Variants in KCNQ1 observed in about 807,000 individuals in gnomAD.
KCNQ1 encodes potassium voltage-gated channel subfamily KQT member 1.
KCNQ1 carries 49 observed loss-of-function variants against 72.4 expected under a neutral mutation model. That is an observed-to-expected ratio of 0.68 (90% CI 0.54 to 0.86). The LOEUF (loss-of-function observed/expected upper bound fraction) is 0.86. Among genes scored for constraint, KCNQ1 ranks in the 40% least tolerant of loss-of-function variants. KCNQ1 has a pLI of 0.00. For synonymous variants in KCNQ1, 450 were observed against 412.6 expected, an observed-to-expected ratio of 1.09 and a Z score of -1.10; for missense variants, 790 against 945.1, an observed-to-expected ratio of 0.84 and a Z score of 2.15.
In KCNQ1 at chr11:2,566,990, A is replaced by C. The variant is rs1450899090; in HGVS notation, c.478-3638A>C. Among the ~76,000 whole-genome samples, 1 of 101,350 alleles carries C rather than the reference A, an allele frequency of 9.9e-6. No homozygotes were observed. 66.5% of individuals were successfully genotyped at this position (101,350 alleles called of 152,430 possible). A position where few individuals can be genotyped will look rare whatever the true frequency, so the allele number is the denominator to read the frequency against. ...GGTAACCTAGGGGGTGGAGTGGGGG[A>C]GGGAGAGAGCACTCCTGACACAGGG... On this transcript the variant is annotated intron_variant, in intron 2 of 15. Transcript: ENST00000155840. The surrounding 1 kb of genome is among the most constrained non-coding windows in gnomAD (Gnocchi z 6.7).
At position 2,694,856 on chromosome 11, in the gene KCNQ1, C is replaced by T. The variant is rs1190473482; in HGVS notation, c.1514+32775C>T. 6 of 398,582 alleles carry T rather than the reference C, an allele frequency of 1.5e-5. No individual in the cohort carries two copies. In the East Asian group the frequency reaches 2.1e-4, roughly 14 times the overall value. The allele number at this position is 398,582 out of a possible 1,614,324, so 24.7% of individuals were successfully genotyped here. Reference sequence around the variant, plus strand: ...GATATGGCAGGTCAGAGCAAAATTTCCTGTGAGATTTAAATAAGAAGAAGG... The same window carrying T: ...GATATGGCAGGTCAGAGCAAAATTTTCTGTGAGATTTAAATAAGAAGAAGG... On this transcript the variant is annotated intron_variant, in intron 11 of 15. Coordinates refer to ENST00000155840, the MANE Select transcript of KCNQ1 (RefSeq NM_000218.3).
chr11:2,769,055 C>A lies in KCNQ1; in HGVS notation c.1590+136C>A. ...TCCGCCCCCAAGCCACACAGGCAGGCCTATCTGAGACCTGACAGTGCCTAC... is the reference window on the plus strand; with the variant it reads ...TCCGCCCCCAAGCCACACAGGCAGGACTATCTGAGACCTGACAGTGCCTAC... On this transcript the variant is annotated intron_variant, in intron 12 of 15. Coordinates refer to ENST00000155840, the MANE Select transcript of KCNQ1 (RefSeq NM_000218.3). The surrounding 1 kb of genome is among the most constrained non-coding windows in gnomAD (Gnocchi z 4.6). 2 of 782,760 alleles carry A rather than the reference C, an allele frequency of 2.6e-6. No homozygotes were observed. Among genetic ancestry groups the A allele is most frequent in the Non-Finnish European group, 4.4e-6 (2 of 450,806 alleles). The allele number at this position is 782,760 out of a possible 1,614,324, so 48.5% of individuals were successfully genotyped here.
At chr11:2,708,714 T>TG (rs563696040) in intron 11 of KCNQ1, among the ~76,000 whole-genome samples, 1,730 of 152,028 alleles carry the variant, frequency 0.011, 53 homozygotes, top group East Asian at 0.072. Context: ...ATACGCGGGT[T>TG]GCGGGGGGCG....
intron 5 of KCNQ1, 115 bp from the exon 6 acceptor site, chr11:2,572,731 G>A (rs946084529): frequency 1.1e-5 from 15 of 1,383,902 alleles, no homozygotes; most frequent in East Asian, 2.4e-5. Flanking sequence ...TGTGAACCGC[G>A]CTGGAGCGGC....
At chr11:2,577,430 G>C (rs1848438471) in intron 6 of KCNQ1, among the ~76,000 whole-genome samples, 2 of 152,212 alleles carry the variant, frequency 1.3e-5, no homozygotes, top group African/African-American at 4.8e-5. Flanking sequence ...TTCCGGCAGG[G>C]CGCTGAGCCT....
chr11:2,749,920 A>G (rs1047056216), intron 11 of KCNQ1, among the ~76,000 whole-genome samples: 6 of 151,866 alleles, frequency 4.0e-5, no homozygotes, highest in African/African-American at 1.2e-4. Context: ...AGATCATGCC[A>G]CTGCACTCCA....
chr11:2,592,447 C>T lies in KCNQ1; in HGVS notation c.1393+3593C>T, dbSNP rs1374986250. ...GTAGAGCAGCCTCACTGAGGGGAGG[C>T]ACCAGCCCTCATCCCACGCAGCAGG... On this transcript the variant is annotated intron_variant, in intron 10 of 15. Transcript: ENST00000155840. The surrounding 1 kb of genome is among the most constrained non-coding windows in gnomAD (Gnocchi z 5.2). 6.6e-6 allele frequency among the ~76,000 whole-genome samples: 1 copy of T among 152,164 alleles called. No individual in the cohort carries two copies. The highest frequency in any genetic ancestry group is 2.4e-5 in the African/African-American group (1 of 41,460).
intron 10 of KCNQ1, among the ~76,000 whole-genome samples, chr11:2,604,403 G>A (rs1243072876): frequency 6.6e-6 from 1 of 151,448 alleles, no homozygotes; most frequent in African/African-American, 2.4e-5. Context: ...GCTTGAACCC[G>A]GGAGGAAGAG....
intron 1 of KCNQ1, among the ~76,000 whole-genome samples, chr11:2,467,423 C>G (rs986034762): frequency 1.3e-5 from 2 of 152,058 alleles, no homozygotes; most frequent in African/African-American, 4.8e-5. Flanking sequence ...GCCCTGGTCC[C>G]CTGGCTTGAT....
At chr11:2,733,810 A>ACTCTCT (rs1564875279) in intron 11 of KCNQ1, among the ~76,000 whole-genome samples, 2 of 58,254 alleles carry the variant, frequency 3.4e-5, no homozygotes, top group Admixed American at 1.5e-4. Flanking sequence ...ACACACACAC[A>ACTCTCT]CACACTCTCT....
chr11:2,615,444 A>G (rs1026760802), intron 10 of KCNQ1: 12 of 397,954 alleles, frequency 3.0e-5, no homozygotes, highest in Admixed American at 4.4e-5. Context: ...ACATTGTTCA[A>G]TAGCACTGGG....
rs1012834569 is a variant in KCNQ1, at chr11:2,788,000, G to C, written c.1794+9963G>C. 6.6e-6 allele frequency among the ~76,000 whole-genome samples: 1 copy of C among 152,226 alleles called. No individual in the cohort carries two copies. The highest frequency in any genetic ancestry group is 1.5e-5 in the Non-Finnish European group (1 of 68,040). ...GACGGGCATGGCCGTGCGCGCGTGTGGGGAGGTGAGTGTGGCTCCCCCAAC... is the reference window on the plus strand; with the variant it reads ...GACGGGCATGGCCGTGCGCGCGTGTCGGGAGGTGAGTGTGGCTCCCCCAAC... On this transcript the variant is annotated intron_variant, in intron 15 of 15. Coordinates refer to ENST00000155840, the MANE Select transcript of KCNQ1 (RefSeq NM_000218.3). The surrounding 1 kb of genome is among the most constrained non-coding windows in gnomAD (Gnocchi z 6.3).
At chr11:2,706,142 G>A (rs1011709257) in intron 11 of KCNQ1, among the ~76,000 whole-genome samples, 10 of 152,314 alleles carry the variant, frequency 6.6e-5, no homozygotes, top group South Asian at 4.2e-4. Context: ...CCGTTCTTCC[G>A]GAAGTGGCAC....
Position 2,550,960 on chromosome 11 carries a change from A to C in KCNQ1, c.478-19668A>C, listed in dbSNP as rs893692299. On this transcript the variant is annotated intron_variant, in intron 2 of 15. Transcript: ENST00000155840. The surrounding 1 kb of genome is among the most constrained non-coding windows in gnomAD (Gnocchi z 6.0). ...TGCTCCCAGGCCAGACTCTGGTGGT[A>C]GCAGGAGGCAGGGGAGGCTGTGCTG... Among the ~76,000 whole-genome samples, 2 of 152,104 alleles carry C rather than the reference A, an allele frequency of 1.3e-5. No homozygotes were observed. The highest frequency in any genetic ancestry group is 4.8e-5 in the African/African-American group (2 of 41,424).
At chr11:2,609,317 A>G (rs1241081142) in intron 10 of KCNQ1, 5 of 398,194 alleles carry the variant, frequency 1.3e-5, no homozygotes, top group South Asian at 1.3e-4. Context: ...TAATTTCCAC[A>G]TGTGTATGTT....
chr11:2,845,014 G>A (rs1415077802), intron 15 of KCNQ1, among the ~76,000 whole-genome samples: 1 of 152,180 alleles, frequency 6.6e-6, no homozygotes, highest in African/African-American at 2.4e-5. Context: ...CCTTTGATCT[G>A]CTACGCTCTC....
intron 11 of KCNQ1, among the ~76,000 whole-genome samples, chr11:2,728,055 C>G (rs1336240706): frequency 1.3e-5 from 2 of 152,198 alleles, no homozygotes; most frequent in Non-Finnish European, 2.9e-5. Flanking sequence ...CCCCTCCTCC[C>G]TCCCCAGCCA....
chr11:2,794,764 C>G (rs1287362839), intron 15 of KCNQ1, among the ~76,000 whole-genome samples: 1 of 152,242 alleles, frequency 6.6e-6, no homozygotes, highest in South Asian at 2.1e-4. Context: ...CCCTCTGGCC[C>G]CCATCTCCCA....
intron 2 of KCNQ1, among the ~76,000 whole-genome samples, chr11:2,556,602 T>G (rs1374590583): frequency 3.3e-5 from 5 of 152,194 alleles, no homozygotes; most frequent in Non-Finnish European, 5.9e-5. Context: ...CTATCTGGCT[T>G]TAGAGAAAAA....
Sources: gnomAD v4.1 joint callset for allele counts (sites outside exome capture counted in the v4.1 genomes callset) on GRCh38, gnomAD v4.1.1 for gene constraint, Gnocchi (gnomAD v3.1) non-coding constraint, MANE v1.5 for transcripts, NCBI Gene and HGNC (gene_info 2026-07-23, HGNC 2026-07-21) for gene names.